Variants in FAM200B observed in about 807,000 individuals in gnomAD.
FAM200B encodes zinc finger BED-type containing 11, also known as protein FAM200B.
In FAM200B, 32 loss-of-function variants were observed where a neutral mutation model predicts 33.1. That is an observed-to-expected ratio of 0.97 (90% confidence interval 0.73 to 1.30). The LOEUF is 1.30. FAM200B is among the 50% of genes most tolerant of loss of function. FAM200B has a pLI of 0.00. For missense variants in FAM200B, 741 were observed against 754.0 expected, an observed-to-expected ratio of 0.98 and a Z score of 0.20; for synonymous variants, 240 against 264.8, an observed-to-expected ratio of 0.91 and a Z score of 0.91.
the FAM200B span, among the ~76,000 whole-genome samples, chr4:15,655,708 C>T: frequency 5.9e-4 from 90 of 152,352 alleles, no homozygotes; most frequent in African/African-American, 2.1e-3. Context: ...GCACAATGGC[C>T]GCGGTCAGGG....
the FAM200B span, among the ~76,000 whole-genome samples, chr4:15,669,697 GAA>G: frequency 2.6e-5 from 4 of 152,106 alleles, no homozygotes; most frequent in Non-Finnish European, 5.9e-5. Flanking sequence ...TTCACACTAT[GAA>G]AAGTTATTTT....
chr4:15,677,386 G>C (rs549508026), upstream of FAM200B, among the ~76,000 whole-genome samples: 2 of 152,254 alleles, frequency 1.3e-5, no homozygotes, highest in East Asian at 3.9e-4. Flanking sequence ...TTATGCCTGA[G>C]TTTATGTTAA....
chr4:15,655,873 C>T, the FAM200B span, among the ~76,000 whole-genome samples: 2 of 152,220 alleles, frequency 1.3e-5, no homozygotes, highest in Non-Finnish European at 2.9e-5. Flanking sequence ...GGCCGCCACT[C>T]AAAGGCCGGG....
the FAM200B span, among the ~76,000 whole-genome samples, chr4:15,646,852 A>G: frequency 1.3e-5 from 2 of 151,992 alleles, no homozygotes; most frequent in Admixed American, 6.6e-5. Context: ...CAGCTTCTAG[A>G]TATTATTTTT....
the FAM200B span, among the ~76,000 whole-genome samples, chr4:15,654,753 G>T: frequency 6.6e-6 from 1 of 152,172 alleles, no homozygotes; most frequent in Non-Finnish European, 1.5e-5. Flanking sequence ...GGAGAGCCCC[G>T]AACAGGCCCG....
chr4:15,659,504 G>C, the FAM200B span, among the ~76,000 whole-genome samples: 1 of 152,128 alleles, frequency 6.6e-6, no homozygotes, highest in East Asian at 1.9e-4. Flanking sequence ...CTTCTACCAG[G>C]AGAATGTGAG....
At chr4:15,662,605 T>G in the FAM200B span, among the ~76,000 whole-genome samples, 1 of 152,196 alleles carries the variant, frequency 6.6e-6, no homozygotes, top group South Asian at 2.1e-4. Context: ...AAGCTCTACT[T>G]GGATAATTCA....
Position 15,688,192 on chromosome 4 carries a change from T to G in FAM200B, c.1215T>G (p.Ile405Met), listed in dbSNP as rs750969232. 1 of 1,550,998 alleles carries G rather than the reference T, an allele frequency of 6.4e-7. No homozygotes were observed. The highest frequency in any genetic ancestry group is 8.7e-7 in the Non-Finnish European group (1 of 1,146,690). The change falls in exon 2 of 2, where the codon ATT becomes ATG. Residue 405 changes from isoleucine to methionine, a missense_variant. Ile to Met is a conservative substitution (Grantham distance 10). Coordinates refer to ENST00000422728, the MANE Select transcript of FAM200B (RefSeq NM_001145191.2). The stretch of plus-strand genomic sequence containing the variant: ...GGGTTTATGAGCTCAGGAATGAGAT[T>G]CACTTTTTTCTCATTGAAAAAAAAT... ...LSRVYELRNE[I>M]HFFLIEKKSH...
the FAM200B span, among the ~76,000 whole-genome samples, chr4:15,660,311 A>G: frequency 6.6e-6 from 1 of 152,042 alleles, no homozygotes; most frequent in Non-Finnish European, 1.5e-5. Context: ...TTGAACTCCT[A>G]GCTTCAAGCA....
the FAM200B span, among the ~76,000 whole-genome samples, chr4:15,653,643 AT>A: frequency 7.7e-4 from 116 of 150,346 alleles, no homozygotes; most frequent in African/African-American, 2.1e-3. Flanking sequence ...TTTTGAGACC[AT>A]TTTTTTTTTC....
the FAM200B span, among the ~76,000 whole-genome samples, chr4:15,648,621 G>A: frequency 6.6e-6 from 1 of 152,210 alleles, no homozygotes; most frequent in African/African-American, 2.4e-5. Flanking sequence ...CAGAGACAGA[G>A]AGATAAATAA....
the FAM200B span, among the ~76,000 whole-genome samples, chr4:15,657,340 T>C: frequency 1.3e-5 from 2 of 152,210 alleles, no homozygotes; most frequent in African/African-American, 4.8e-5. Context: ...AGTAAATATG[T>C]TGGAAAAAAG....
In FAM200B at chr4:15,689,067, G is replaced by T; in HGVS notation, c.*116G>T. ...ATACTTTTGTTATGTTTTAATTTTTGTTATATTTAATAAAATTATTTTATG... is the reference window on the plus strand; with the variant it reads ...ATACTTTTGTTATGTTTTAATTTTTTTTATATTTAATAAAATTATTTTATG... On this transcript the variant is annotated 3_prime_UTR_variant, in exon 2 of 2. Coordinates refer to ENST00000422728, the MANE Select transcript of FAM200B (RefSeq NM_001145191.2). The T allele has an allele frequency of 1.3e-6, 1 of 799,900 alleles. No homozygotes were observed. Among genetic ancestry groups the T allele is most frequent in the Middle Eastern group, 3.8e-4 (1 of 2,602 alleles). 49.6% of individuals were successfully genotyped at this position (799,900 alleles called of 1,614,324 possible). A position where few individuals can be genotyped will look rare whatever the true frequency, so the allele number is the denominator to read the frequency against.
upstream of FAM200B, among the ~76,000 whole-genome samples, chr4:15,679,710 G>T: frequency 6.6e-6 from 1 of 150,688 alleles, no homozygotes; most frequent in Non-Finnish European, 1.5e-5. Context: ...AACTTTTCAG[G>T]ATTTTACTTA....
the FAM200B span, chr4:15,655,393 C>T: frequency 9.6e-7 from 1 of 1,038,092 alleles, no homozygotes; most frequent in African/African-American, 1.7e-5. Context: ...GCGCCCGCCC[C>T]GTCGGCGCGC....
chr4:15,651,841 ATC>A, the FAM200B span, among the ~76,000 whole-genome samples: 2 of 152,176 alleles, frequency 1.3e-5, no homozygotes, highest in Non-Finnish European at 2.9e-5. Flanking sequence ...AAGCCTGGGA[ATC>A]TCTGAACTAA....
chr4:15,637,955 C>T, the FAM200B span, among the ~76,000 whole-genome samples: 4 of 149,428 alleles, frequency 2.7e-5, no homozygotes, highest in African/African-American at 9.8e-5. Context: ...TTTGTATTCT[C>T]AGAGTAACAA....
the FAM200B span, among the ~76,000 whole-genome samples, chr4:15,671,580 GTTT>G: frequency 4.6e-5 from 7 of 151,994 alleles, no homozygotes; most frequent in African/African-American, 1.7e-4. Flanking sequence ...GGGTGGTGTG[GTTT>G]TTTTATGCTT....
the FAM200B span, among the ~76,000 whole-genome samples, chr4:15,648,549 A>C: frequency 2.5e-4 from 38 of 152,358 alleles, no homozygotes; most frequent in Non-Finnish European, 4.6e-4. Context: ...AGTCATAAAA[A>C]AGGAAATCCT....
Sources: allele counts gnomAD v4.1 joint callset (sites outside exome capture counted in the v4.1 genomes callset), GRCh38; gene constraint gnomAD v4.1.1; transcripts MANE v1.5; gene names NCBI Gene and HGNC (gene_info 2026-07-23, HGNC 2026-07-21).